Variants in RELCH observed in about 807,000 individuals in gnomAD.
RELCH encodes RAB11-binding protein RELCH.
In RELCH, 41 loss-of-function variants were observed where a neutral mutation model predicts 150.3. The observed-to-expected ratio is 0.27, with a 90% confidence interval of 0.21 to 0.35. RELCH has a LOEUF of 0.35. RELCH is among the 10% of genes least tolerant of loss of function. RELCH has a pLI of 1.00. For missense variants in RELCH, 1,092 were observed against 1,467.8 expected, an observed-to-expected ratio of 0.74 and a Z score of 4.18; for synonymous variants, 478 against 531.8, an observed-to-expected ratio of 0.90 and a Z score of 1.39.
chr18:62,293,707 ATTT>A (rs2045269843), intron 27 of RELCH, among the ~76,000 whole-genome samples: 1 of 152,064 alleles, frequency 6.6e-6, no homozygotes, highest in Non-Finnish European at 1.5e-5. Flanking sequence ...AGAAGGAAAA[ATTT>A]TTAAAATAAT....
chr18:62,258,367 A>G lies in RELCH; in HGVS notation c.2038-145A>G. 4.1e-6 allele frequency: 3 copies of G among 739,390 alleles called. No homozygotes were observed. In the South Asian group the frequency reaches 6.0e-5, roughly 15 times the overall value. 45.8% of individuals were successfully genotyped at this position (739,390 alleles called of 1,614,324 possible). A position where few individuals can be genotyped will look rare whatever the true frequency, so the allele number is the denominator to read the frequency against. ...CTTTGGTTTGCTCATCAGTGGATAC[A>G]TGGCAAGGCTAGGATTATGGATGGC... On this transcript the variant is annotated intron_variant, in intron 14 of 28. Transcript: ENST00000644646.
chr18:62,303,419 AT>A (rs1304308870), intron 28 of RELCH, among the ~76,000 whole-genome samples: 3 of 152,200 alleles, frequency 2.0e-5, no homozygotes, highest in African/African-American at 7.2e-5. Context: ...AATATTCTTC[AT>A]TCCTTTCATT....
rs376122774 is a variant in RELCH at position 62,255,376 on chromosome 18, A to T, written c.1825-31A>T. Reference sequence around the variant, plus strand: ...TGAAGGAAGGGAGGGTATGCTGTTTATGCTTGATTTATTTATTTTTTTTGC... The same window carrying T: ...TGAAGGAAGGGAGGGTATGCTGTTTTTGCTTGATTTATTTATTTTTTTTGC... On this transcript the variant is annotated intron_variant, in intron 12 of 28. Transcript: ENST00000644646. The T allele has an allele frequency of 4.1e-6, 6 of 1,471,668 alleles. No individual in the cohort carries two copies. The East Asian group carries it at 1.4e-4, about 33-fold the overall frequency. The allele number at this position is 1,471,668 out of a possible 1,614,324, so 91.2% of individuals were successfully genotyped here.
chr18:62,275,743 T>G (rs2044173507), intron 22 of RELCH, among the ~76,000 whole-genome samples: 1 of 152,216 alleles, frequency 6.6e-6, no homozygotes, highest in South Asian at 2.1e-4. Flanking sequence ...AATCTTATTT[T>G]AATTTCTAAC....
chr18:62,267,254 A>G (rs561939046), intron 19 of RELCH, among the ~76,000 whole-genome samples: 2 of 151,750 alleles, frequency 1.3e-5, no homozygotes, highest in South Asian at 4.2e-4. Context: ...GAGTCTAGTT[A>G]TGGTACCATT....
chr18:62,193,596 G>C (rs970212087), intron 1 of RELCH, among the ~76,000 whole-genome samples: 2 of 152,076 alleles, frequency 1.3e-5, no homozygotes, highest in Non-Finnish European at 2.9e-5. Context: ...TTTATCAAAG[G>C]CCTTTTCTGT....
chr18:62,292,214 A>G (rs997506053), intron 27 of RELCH, among the ~76,000 whole-genome samples: 1 of 152,168 alleles, frequency 6.6e-6, no homozygotes, highest in Non-Finnish European at 1.5e-5. Context: ...TTGGTACATC[A>G]TATTCCCTGC....
intron 11 of RELCH, chr18:62,246,947 A>G (rs1385043308): frequency 6.6e-6 from 1 of 152,326 alleles, no homozygotes; most frequent in East Asian, 1.9e-4. Context: ...TATATACGAT[A>G]TTTGTCTGAA....
At chr18:62,198,159 CA>C (rs1380259019) in intron 1 of RELCH, among the ~76,000 whole-genome samples, 1 of 152,206 alleles carries the variant, frequency 6.6e-6, no homozygotes, top group Non-Finnish European at 1.5e-5. Context: ...TAAACTTAAT[CA>C]AAATTAGGAT....
In RELCH at chr18:62,305,525, A is replaced by G. The variant is rs2045849845; in HGVS notation, c.3642A>G (p.Arg1214=). Residue 1214 remains arginine, a synonymous_variant, in exon 29 of 29, where the codon AGA becomes AGG. Coordinates refer to ENST00000644646, the MANE Select transcript of RELCH (RefSeq NM_001346231.2). The surrounding 1 kb of genome is among the most constrained non-coding windows in gnomAD (Gnocchi z 4.0). ...SGAMLANVFQ[R]KK is the part of the protein sequence containing the mutation. Reference sequence around the variant, plus strand: ...CCATGTTGGCCAATGTATTTCAGAGAAAGAAGTAGAAGCAGGAAAGAAGCC... The same window carrying G: ...CCATGTTGGCCAATGTATTTCAGAGGAAGAAGTAGAAGCAGGAAAGAAGCC... The G allele has an allele frequency of 2.5e-6, 4 of 1,605,656 alleles. No homozygotes were observed. The highest frequency in any genetic ancestry group is 3.4e-6 in the Non-Finnish European group (4 of 1,176,064).
intron 25 of RELCH, among the ~76,000 whole-genome samples, chr18:62,282,762 A>G (rs995345737): frequency 6.6e-6 from 1 of 152,128 alleles, no homozygotes; most frequent in Admixed American, 6.5e-5. Flanking sequence ...GGTACAAGTG[A>G]TTCTCCTGCC....
At chr18:62,288,492 GA>G (rs2044937356) in intron 26 of RELCH, among the ~76,000 whole-genome samples, 1 of 152,086 alleles carries the variant, frequency 6.6e-6, no homozygotes. Flanking sequence ...AAACCAAATA[GA>G]GAAAGTAGAA....
intron 2 of RELCH, among the ~76,000 whole-genome samples, chr18:62,215,568 C>A (rs1599864110): frequency 6.6e-6 from 1 of 152,110 alleles, no homozygotes; most frequent in African/African-American, 2.4e-5. Context: ...TATTAAGTAC[C>A]TACTTCATGC....
In RELCH at chr18:62,306,085, A is replaced by T. The variant is rs2045869311; in HGVS notation, c.*551A>T. 6.6e-6 allele frequency: 1 copy of T among 152,638 alleles called. No individual in the cohort carries two copies. Among genetic ancestry groups the T allele is most frequent in the Non-Finnish European group, 1.5e-5 (1 of 68,028 alleles). The allele number at this position is 152,638 out of a possible 1,614,324, so 9.5% of individuals were successfully genotyped here. ...GGAATTGTGTGCATTCCATTCACAC[A>T]GTATTTCTTTAGGATGCTGTGATGA... On this transcript the variant is annotated 3_prime_UTR_variant, in exon 29 of 29. Coordinates refer to ENST00000644646, the MANE Select transcript of RELCH (RefSeq NM_001346231.2).
chr18:62,242,839 AGT>A (rs150207317), intron 10 of RELCH, among the ~76,000 whole-genome samples: 11 of 151,536 alleles, frequency 7.3e-5, no homozygotes, highest in African/African-American at 2.2e-4. Flanking sequence ...CTACATTTTA[AGT>A]GTGTGTGTGT....
chr18:62,241,495 A>C (rs1461207972), intron 10 of RELCH, among the ~76,000 whole-genome samples: 1 of 152,160 alleles, frequency 6.6e-6, no homozygotes, highest in Non-Finnish European at 1.5e-5. Context: ...AATATTACCC[A>C]AGCCATAGTT....
At chr18:62,259,979 G>A (rs988105218) in intron 15 of RELCH, among the ~76,000 whole-genome samples, 8 of 151,774 alleles carry the variant, frequency 5.3e-5, no homozygotes, top group African/African-American at 1.9e-4. Flanking sequence ...CAGTACGTTG[G>A]TCTGAGCAAA....
intron 23 of RELCH, 198 bp from the exon 24 acceptor site, chr18:62,280,448 T>C (rs1310888940): frequency 6.2e-7 from 1 of 1,611,782 alleles, no homozygotes; most frequent in Non-Finnish European, 8.5e-7. Context: ...GAATTGTGAG[T>C]TTCACAGACT....
At chr18:62,268,201 G>A (rs1568408103) in intron 19 of RELCH, among the ~76,000 whole-genome samples, 1 of 152,064 alleles carries the variant, frequency 6.6e-6, no homozygotes, top group Non-Finnish European at 1.5e-5. Context: ...AATAAAAGCT[G>A]TTGGTGCTGT....
Sources: allele counts gnomAD v4.1 joint callset (sites outside exome capture counted in the v4.1 genomes callset), GRCh38; gene constraint gnomAD v4.1.1; non-coding constraint Gnocchi (gnomAD v3.1); transcripts MANE v1.5; gene names NCBI Gene and HGNC (gene_info 2026-07-23, HGNC 2026-07-21).